Variants in MARF1 observed in about 807,000 individuals in gnomAD.
MARF1 encodes meiosis regulator and mRNA stability factor 1, also known as limkain-b1.
A neutral mutation model predicts 168.2 loss-of-function variants in MARF1; 24 were observed. That is an observed-to-expected ratio of 0.14 (90% CI 0.10 to 0.20). The LOEUF (loss-of-function observed/expected upper bound fraction) is 0.20. Ranked by LOEUF, MARF1 falls within the 10% of genes least tolerant of loss-of-function variation. The pLI, the probability that MARF1 is intolerant of heterozygous loss-of-function variation, is 1.00. For missense variants in MARF1, 1,744 were observed against 2,143.6 expected (o/e 0.81, Z 3.68); for synonymous variants, 868 against 822.4 (o/e 1.06, Z -0.95).
At chr16:15,597,874 G>A (rs539998636) in intron 26 of MARF1, among the ~76,000 whole-genome samples, 6 of 152,362 alleles carry the variant, frequency 3.9e-5, no homozygotes, top group African/African-American at 1.4e-4. Flanking sequence ...GTCTAGGTCT[G>A]ACTGCACAGG....
Position 15,611,346 on chromosome 16 carries a change from C to G in MARF1, c.3618-238G>C, listed in dbSNP as rs532986222. ...TGGTGGCGGGCGCCTGTAGTCCCAGCTACTCTGGAGGCTGAGGCAGGACAA... is the reference window on the plus strand; with the variant it reads ...TGGTGGCGGGCGCCTGTAGTCCCAGGTACTCTGGAGGCTGAGGCAGGACAA... On this transcript the variant is annotated intron_variant, in intron 18 of 26. Transcript: ENST00000396368. Among the ~76,000 whole-genome samples, 154 of 150,224 alleles carry G rather than the reference C, an allele frequency of 1.0e-3. 1 individual carries two copies. The highest frequency in any genetic ancestry group is 3.4e-3 in the African/African-American group (140 of 40,966).
At chr16:15,597,346 G>A (rs1041935337) in intron 26 of MARF1, among the ~76,000 whole-genome samples, 1 of 152,194 alleles carries the variant, frequency 6.6e-6, no homozygotes, top group South Asian at 2.1e-4. Context: ...CGGAGCATCT[G>A]GGTGTCAGGG....
chr16:15,602,390 C>T (rs1435480861), intron 22 of MARF1, 187 bp from the exon 23 acceptor site: 5 of 602,522 alleles, frequency 8.3e-6, no homozygotes, highest in Non-Finnish European at 1.2e-5. Flanking sequence ...AAGGAGACGA[C>T]AAAGATAAAG....
intron 10 of MARF1, among the ~76,000 whole-genome samples, chr16:15,623,707 A>G (rs2034632858): frequency 6.6e-6 from 1 of 152,184 alleles, no homozygotes; most frequent in African/African-American, 2.4e-5. Context: ...CAGGAATTAG[A>G]GGCAGTCCTG....
intron 20 of MARF1, 146 bp downstream of exon 20, chr16:15,609,377 T>C: frequency 1.6e-6 from 1 of 624,984 alleles, no homozygotes; most frequent in Non-Finnish European, 2.8e-6. Flanking sequence ...GAGTCAGGAA[T>C]ATGGCTTCTC....
intron 7 of MARF1, among the ~76,000 whole-genome samples, chr16:15,629,229 A>T (rs2035080716): frequency 6.6e-6 from 1 of 152,186 alleles, no homozygotes; most frequent in African/African-American, 2.4e-5. Context: ...GTGACTAAAA[A>T]CAAATAATGA....
chr16:15,602,467 T>TGAAGACAAAGAACAAGAAGAC (rs1310332280), intron 22 of MARF1: 6 of 594,034 alleles, frequency 1.0e-5, no homozygotes, highest in Admixed American at 3.2e-5. Flanking sequence ...ACGACAAAGA[T>TGAAGACAAAGAACAAGAAGAC]GAAGACAAAG....
intron 26 of MARF1, among the ~76,000 whole-genome samples, chr16:15,598,317 G>A (rs2031977299): frequency 2.0e-5 from 3 of 152,214 alleles, no homozygotes; most frequent in Admixed American, 6.5e-5. Context: ...AGAGTTAAAT[G>A]TGATGGTGTC....
At chr16:15,602,403 GACA>G (rs1316001322) in intron 22 of MARF1, 200 bp from the exon 23 acceptor site, 28 of 605,710 alleles carry the variant, frequency 4.6e-5, no homozygotes, top group African/African-American at 3.2e-4. Context: ...AGATAAAGAA[GACA>G]ACAACAAAGA....
chr16:15,618,096 G>A (rs1009074588), intron 13 of MARF1, among the ~76,000 whole-genome samples: 1 of 152,176 alleles, frequency 6.6e-6, no homozygotes, highest in African/African-American at 2.4e-5. Flanking sequence ...CCTTAGTCAA[G>A]TTCCACGACC....
intron 13 of MARF1, 91 bp downstream of exon 13, chr16:15,620,360 C>T: frequency 1.5e-6 from 1 of 651,526 alleles, no homozygotes. Context: ...CTCTACCAGG[C>T]TGAAGTTCCT....
At chr16:15,626,451 A>G (rs1007344090) in intron 7 of MARF1, among the ~76,000 whole-genome samples, 3 of 152,248 alleles carry the variant, frequency 2.0e-5, no homozygotes, top group African/African-American at 4.8e-5. Flanking sequence ...TTATAGAGCC[A>G]GAAGGTGAGC....
chr16:15,597,091 G>T (rs920458141), intron 26 of MARF1, among the ~76,000 whole-genome samples, 154 bp from the exon 27 acceptor site: 1 of 152,132 alleles, frequency 6.6e-6, no homozygotes, highest in African/African-American at 2.4e-5. Context: ...GAGTTGTGTG[G>T]CCAGTGAACT....
At position 15,615,895 on chromosome 16, in the gene MARF1, G is replaced by A. The variant is rs2034006739; in HGVS notation, c.3188C>T (p.Ala1063Val). 1.2e-6 allele frequency: 2 copies of A among 1,601,990 alleles called. No homozygotes were observed. The highest frequency in any genetic ancestry group is 4.5e-5 in the East Asian group (2 of 44,160). ...FITCVPGVNI[A>V]TAQNGIKVVK... ...CACTTTGATGCCATTCTGAGCAGTG[G>A]CAATGTTTACACCTGGAACACAGGT... is the stretch of plus-strand genomic sequence containing the variant. Residue 1063 changes from alanine to valine, a missense_variant, in exon 16 of 27, where the codon GCC (alanine) becomes GTC (valine). Around this residue, in one of 7 missense-constraint regions of MARF1, gnomAD observed 543 missense variants for 742.1 expected, o/e 0.73. Transcript: ENST00000396368.
intron 1 of MARF1, among the ~76,000 whole-genome samples, chr16:15,640,584 T>C (rs938518620): frequency 6.6e-6 from 1 of 152,150 alleles, no homozygotes; most frequent in African/African-American, 2.4e-5. Flanking sequence ...TAGCCCCATC[T>C]ACTCAGGAGG....
At chr16:15,614,110 T>C (rs77628408) in intron 16 of MARF1, among the ~76,000 whole-genome samples, 10,194 of 152,228 alleles carry the variant, frequency 0.067, 531 homozygotes, top group Non-Finnish European at 0.093. Context: ...GTCCAAAACG[T>C]GGACCAAAAT....
At chr16:15,598,814 ACCCCGAAGAAAATC>A in intron 26 of MARF1, 26 bp downstream of exon 26, 3 of 1,603,458 alleles carry the variant, frequency 1.9e-6, no homozygotes, top group Non-Finnish European at 2.6e-6. Flanking sequence ...TTTGTTTTAA[ACCCCGAAGAAAATC>A]CCCATGACAA....
chr16:15,613,791 G>A (rs796435357), intron 16 of MARF1, among the ~76,000 whole-genome samples: 8 of 152,150 alleles, frequency 5.3e-5, no homozygotes, highest in African/African-American at 1.7e-4. Context: ...CTAAGACAGA[G>A]GGAAAAGAAA....
intron 18 of MARF1, 90 bp from the exon 19 acceptor site, chr16:15,611,198 C>T: frequency 5.5e-6 from 7 of 1,282,988 alleles, no homozygotes; most frequent in Non-Finnish European, 7.8e-6. Context: ...GGGGCTCACG[C>T]CTGTAATCCC....
Sources: gnomAD v4.1 joint callset for allele counts (sites outside exome capture counted in the v4.1 genomes callset) on GRCh38, gnomAD v4.1.1 for gene constraint, gnomAD v4.1.1 regional missense constraint, MANE v1.5 for transcripts, NCBI Gene and HGNC (gene_info 2026-07-23, HGNC 2026-07-21) for gene names.